Variants in MTA3 observed in about 807,000 individuals in gnomAD.
MTA3 encodes the protein metastasis associated 1 family member 3, also known as metastasis-associated protein MTA3.
A neutral mutation model predicts 83.5 loss-of-function variants in MTA3; 34 were observed. The ratio of observed to expected loss-of-function variants is 0.41; its 90% CI spans 0.31 to 0.54. The LOEUF is 0.54. MTA3 is among the 20% of genes least tolerant of loss of function. MTA3 has a pLI of 0.33. For synonymous variants in MTA3, 303 were observed against 252.7 expected (o/e 1.20, Z -1.89); for missense variants, 761 against 726.4 (o/e 1.05, Z -0.55).
intron 2 of MTA3, among the ~76,000 whole-genome samples, chr2:42,574,045 C>T (rs1305516088): frequency 6.6e-6 from 1 of 150,798 alleles, no homozygotes; most frequent in African/African-American, 2.4e-5. Context: ...ACCGTGTTAG[C>T]CAGGATGGTC....
intron 3 of MTA3, among the ~76,000 whole-genome samples, chr2:42,584,265 A>G (rs1680010503): frequency 1.3e-5 from 2 of 152,174 alleles, no homozygotes; most frequent in South Asian, 2.1e-4. Context: ...CACATGATCA[A>G]CTGTGATTCA....
intron 3 of MTA3, among the ~76,000 whole-genome samples, chr2:42,580,890 GT>G (rs1371836313): frequency 6.6e-6 from 1 of 152,146 alleles, no homozygotes; most frequent in East Asian, 1.9e-4. Flanking sequence ...CACCCGGCCA[GT>G]TTGATACTTT....
chr2:42,601,884 G>T (rs750468189), intron 3 of MTA3, among the ~76,000 whole-genome samples: 1 of 151,802 alleles, frequency 6.6e-6, no homozygotes, highest in Non-Finnish European at 1.5e-5. Context: ...CTGTTGTCCA[G>T]GTTGGAGTGC....
At chr2:42,535,051 T>G (rs1281328389) in intron 2 of MTA3, among the ~76,000 whole-genome samples, 1 of 151,910 alleles carries the variant, frequency 6.6e-6, no homozygotes, top group Non-Finnish European at 1.5e-5. Flanking sequence ...TCTATTAGAA[T>G]CCCATATTTC....
At chr2:42,521,914 C>G (rs1444230752) in intron 2 of MTA3, among the ~76,000 whole-genome samples, 4 of 152,140 alleles carry the variant, frequency 2.6e-5, no homozygotes, top group African/African-American at 7.2e-5. Flanking sequence ...GCCATCATGT[C>G]CAGCTAATTT....
intron 2 of MTA3, among the ~76,000 whole-genome samples, chr2:42,515,990 G>A (rs1228519069): frequency 6.6e-6 from 1 of 151,532 alleles, no homozygotes; most frequent in Non-Finnish European, 1.5e-5. Flanking sequence ...ACAGGCGCCT[G>A]CCACCATGCC....
chr2:42,581,219 C>G (rs750189986), intron 3 of MTA3, among the ~76,000 whole-genome samples: 11 of 152,060 alleles, frequency 7.2e-5, no homozygotes, highest in Non-Finnish European at 1.3e-4. Flanking sequence ...TTCAGCATAT[C>G]AAGGCTTCAC....
chr2:42,534,747 G>T (rs562349107), intron 2 of MTA3, among the ~76,000 whole-genome samples: 1 of 152,156 alleles, frequency 6.6e-6, no homozygotes, highest in African/African-American at 2.4e-5. Context: ...TGTTATTTTG[G>T]ACTTCATCTA....
chr2:42,727,664 G>A (rs1667923952), intron 16 of MTA3, among the ~76,000 whole-genome samples: 1 of 152,154 alleles, frequency 6.6e-6, no homozygotes, highest in South Asian at 2.1e-4. Context: ...TTACTCCTCT[G>A]ATTGCTTCTT....
At chr2:42,617,970 G>C (rs1449784084) in intron 4 of MTA3, among the ~76,000 whole-genome samples, 1 of 151,718 alleles carries the variant, frequency 6.6e-6, no homozygotes, top group African/African-American at 2.4e-5. Flanking sequence ...ATAGAGATGT[G>C]GTTTTGCTCT....
chr2:42,621,110 A>G lies in MTA3; in HGVS notation c.317+11526A>G, dbSNP rs959569063. Reference sequence around the variant, plus strand: ...CATTGAAGCAATTTGCAAAAATGTGAAACAATGTTACTCTTATTAGAGTTT... The same window carrying G: ...CATTGAAGCAATTTGCAAAAATGTGGAACAATGTTACTCTTATTAGAGTTT... On this transcript the variant is annotated intron_variant, in intron 4 of 16. Transcript: ENST00000405094. Among the ~76,000 whole-genome samples, 8 of 120,032 alleles carry G rather than the reference A, an allele frequency of 6.7e-5. No homozygotes were observed. The East Asian group carries it at 1.4e-3, about 20-fold the overall frequency. 78.7% of individuals were successfully genotyped at this position (120,032 alleles called of 152,430 possible). A position where few individuals can be genotyped will look rare whatever the true frequency, so the allele number is the denominator to read the frequency against.
chr2:42,519,024 C>T (rs1271688734), intron 2 of MTA3, among the ~76,000 whole-genome samples: 1 of 99,954 alleles, frequency 1.0e-5, no homozygotes, highest in East Asian at 2.7e-4. Context: ...CACACACACA[C>T]ACACACGAAT....
At chr2:42,634,186 A>C (rs1686966070) in intron 4 of MTA3, among the ~76,000 whole-genome samples, 1 of 152,186 alleles carries the variant, frequency 6.6e-6, no homozygotes, top group Non-Finnish European at 1.5e-5. Context: ...AGTGGTGCCG[A>C]GGTTGAGAAA....
chr2:42,589,699 T>C (rs1573096791), intron 3 of MTA3, among the ~76,000 whole-genome samples: 1 of 152,144 alleles, frequency 6.6e-6, no homozygotes, highest in Non-Finnish European at 1.5e-5. Flanking sequence ...ATTACAGATA[T>C]GTGCCACCAT....
intron 16 of MTA3, among the ~76,000 whole-genome samples, chr2:42,748,735 G>T (rs910532655): frequency 6.6e-6 from 1 of 151,984 alleles, no homozygotes; most frequent in Non-Finnish European, 1.5e-5. Context: ...TTCTCACTGC[G>T]CCCAGCCAGT....
chr2:42,589,231 A>G, intron 3 of MTA3, among the ~76,000 whole-genome samples: 1 of 152,200 alleles, frequency 6.6e-6, no homozygotes, highest in East Asian at 1.9e-4. Context: ...TCATTAAAAT[A>G]TACGTTTGTG....
At chr2:42,684,845 G>A (rs1393324808) in intron 9 of MTA3, among the ~76,000 whole-genome samples, 1 of 152,206 alleles carries the variant, frequency 6.6e-6, no homozygotes, top group Non-Finnish European at 1.5e-5. Flanking sequence ...ATTGAATGTG[G>A]TCCTTACTTC....
chr2:42,537,227 G>T (rs557118615), intron 2 of MTA3, among the ~76,000 whole-genome samples: 1 of 152,118 alleles, frequency 6.6e-6, no homozygotes, highest in Non-Finnish European at 1.5e-5. Flanking sequence ...AAAACAACCA[G>T]TCAAGTCCAA....
At chr2:42,503,567 C>A (rs1019391395) in intron 2 of MTA3, among the ~76,000 whole-genome samples, 1 of 152,140 alleles carries the variant, frequency 6.6e-6, no homozygotes, top group Non-Finnish European at 1.5e-5. Context: ...ACTACTGTTA[C>A]CTTCTTGCTT....
Sources: gnomAD v4.1 joint callset for allele counts (sites outside exome capture counted in the v4.1 genomes callset) on GRCh38, gnomAD v4.1.1 for gene constraint, MANE v1.5 for transcripts, NCBI Gene and HGNC (gene_info 2026-07-23, HGNC 2026-07-21) for gene names.